CDKAL1: variants seen among roughly 807,000 people sequenced by gnomAD.
The protein encoded by CDKAL1 is threonylcarbamoyladenosine tRNA methylthiotransferase.
CDKAL1 carries 32 observed loss-of-function variants against 68.2 expected under a neutral mutation model. The observed-to-expected ratio is 0.47, with a 90% CI of 0.35 to 0.63. The LOEUF is 0.63. Among genes scored for constraint, CDKAL1 ranks in the 30% least tolerant of loss-of-function variants. The pLI, the probability that CDKAL1 is intolerant of heterozygous loss-of-function variation, is 0.00. For missense variants in CDKAL1, 606 were observed against 696.7 expected (o/e 0.87, Z 1.47); for synonymous variants, 234 against 244.3 (o/e 0.96, Z 0.39).
chr6:21,178,000 C>G (rs938340120), intron 13 of CDKAL1, among the ~76,000 whole-genome samples: 2 of 152,100 alleles, frequency 1.3e-5, no homozygotes, highest in African/African-American at 4.8e-5. Flanking sequence ...CTTGTCCAAA[C>G]AAAAGTTAGA....
intron 13 of CDKAL1, among the ~76,000 whole-genome samples, chr6:21,163,720 A>T (rs1484402140): frequency 2.0e-5 from 3 of 152,240 alleles, no homozygotes; most frequent in Admixed American, 1.3e-4. Context: ...GGAGGCCGAG[A>T]GACGGGTGGA....
At chr6:21,191,986 ATTTTTCTTTTTTTTTTTTTTTT>A (rs1326351514) in intron 13 of CDKAL1, among the ~76,000 whole-genome samples, 11 of 23,332 alleles carry the variant, frequency 4.7e-4, no homozygotes, top group South Asian at 2.9e-3. Flanking sequence ...TTTATAATTC[ATTTTTCTTTTTTTTTTTTTTTT>A]TTTTTTTTTT....
At chr6:20,983,217 A>T (rs895174608) in intron 10 of CDKAL1, among the ~76,000 whole-genome samples, 3 of 152,228 alleles carry the variant, frequency 2.0e-5, no homozygotes, top group Non-Finnish European at 2.9e-5. Context: ...CATATTGATC[A>T]GTAGCAAAAG....
chr6:20,834,612 C>T (rs1777854205), intron 8 of CDKAL1, among the ~76,000 whole-genome samples: 1 of 152,096 alleles, frequency 6.6e-6, no homozygotes, highest in Non-Finnish European at 1.5e-5. Context: ...GTATTTTCTC[C>T]CTTCTCTTCT....
At chr6:21,095,432 G>A (rs1236073673) in intron 12 of CDKAL1, among the ~76,000 whole-genome samples, 1 of 152,218 alleles carries the variant, frequency 6.6e-6, no homozygotes. Context: ...TTCTGAAAGA[G>A]TGATTATATA....
chr6:20,729,204 T>C, intron 5 of CDKAL1, among the ~76,000 whole-genome samples: 1 of 152,248 alleles, frequency 6.6e-6, no homozygotes, highest in East Asian at 1.9e-4. Flanking sequence ...AGGCAGGTAG[T>C]TAGGGAGGTA....
At chr6:20,573,504 A>G (rs560619367) in intron 4 of CDKAL1, among the ~76,000 whole-genome samples, 7 of 152,298 alleles carry the variant, frequency 4.6e-5, no homozygotes, top group African/African-American at 1.4e-4. Context: ...TATCTGATAC[A>G]TCAGCATGAT....
intron 9 of CDKAL1, among the ~76,000 whole-genome samples, chr6:20,870,695 G>A (rs1760166389): frequency 1.3e-5 from 2 of 152,218 alleles, no homozygotes; most frequent in Admixed American, 6.5e-5. Flanking sequence ...TTACACTGTT[G>A]AATCCTGGCT....
At chr6:20,732,119 C>T (rs1472329595) in intron 5 of CDKAL1, among the ~76,000 whole-genome samples, 1 of 151,782 alleles carries the variant, frequency 6.6e-6, no homozygotes. Flanking sequence ...AGTCGAAGCT[C>T]ACTGCAGCCT....
At chr6:20,837,951 G>GTC (rs1210101671) in intron 8 of CDKAL1, among the ~76,000 whole-genome samples, 4 of 147,072 alleles carry the variant, frequency 2.7e-5, no homozygotes, top group Admixed American at 2.0e-4. Flanking sequence ...GTGTGTGTGT[G>GTC]TGTGTGTGTG....
At chr6:21,229,759 T>C (rs1041933729) in intron 15 of CDKAL1, among the ~76,000 whole-genome samples, 2 of 152,124 alleles carry the variant, frequency 1.3e-5, no homozygotes, top group Non-Finnish European at 2.9e-5. Flanking sequence ...GGGAGTCCCA[T>C]GTTATTGGGG....
rs539104310 is a variant in CDKAL1, at chr6:20,655,330, G to A, written c.371+5953G>A. ...AGATCAGGAGTCCAGTGAGGACAGA[G>A]TGGTTGTAGTCCAGGTACAGAGGAT... On this transcript the variant is annotated intron_variant, in intron 5 of 15. Transcript: ENST00000274695. 3.7e-4 allele frequency among the ~76,000 whole-genome samples: 56 copies of A among 152,310 alleles called. 1 individual carries two copies. Among genetic ancestry groups the A allele is most frequent in the Admixed American group, 2.0e-3 (31 of 15,300 alleles).
intron 9 of CDKAL1, among the ~76,000 whole-genome samples, chr6:20,937,730 G>A (rs751803806): frequency 1.3e-5 from 2 of 152,166 alleles, no homozygotes; most frequent in African/African-American, 4.8e-5. Context: ...TTTTTGGCAA[G>A]AGTACCACTG....
intron 13 of CDKAL1, among the ~76,000 whole-genome samples, chr6:21,131,758 T>C (rs1381192840): frequency 6.6e-6 from 1 of 152,242 alleles, no homozygotes; most frequent in Non-Finnish European, 1.5e-5. Flanking sequence ...TTTGAAGTAG[T>C]TTCAGGGGAG....
chr6:21,209,381 ATTAC>A (rs1582423139), intron 15 of CDKAL1, among the ~76,000 whole-genome samples: 2 of 152,326 alleles, frequency 1.3e-5, no homozygotes, highest in Admixed American at 6.5e-5. Flanking sequence ...CCGAGCCTGA[ATTAC>A]TTACATATGC....
chr6:20,631,241 T>G (rs1406970814), intron 4 of CDKAL1, among the ~76,000 whole-genome samples: 2 of 152,178 alleles, frequency 1.3e-5, no homozygotes, highest in Non-Finnish European at 2.9e-5. Flanking sequence ...CCTACCCCAG[T>G]GCCTGTTTTC....
intron 9 of CDKAL1, among the ~76,000 whole-genome samples, chr6:20,937,283 C>T (rs747958325): frequency 6.6e-6 from 1 of 152,186 alleles, no homozygotes; most frequent in East Asian, 1.9e-4. Context: ...AATGGGGTTT[C>T]GCCATGTTGC....
chr6:20,855,193 A>G (rs1211370225), intron 9 of CDKAL1, among the ~76,000 whole-genome samples: 1 of 152,146 alleles, frequency 6.6e-6, no homozygotes, highest in Non-Finnish European at 1.5e-5. Flanking sequence ...TGTAATCCCC[A>G]GCACTTTGGG....
chr6:20,752,751 A>G (rs951548594), intron 6 of CDKAL1, among the ~76,000 whole-genome samples: 1 of 152,180 alleles, frequency 6.6e-6, no homozygotes, highest in African/African-American at 2.4e-5. Context: ...ACACACTCTT[A>G]AATCACTATA....
Sources: gnomAD v4.1 joint callset for allele counts (sites outside exome capture counted in the v4.1 genomes callset) on GRCh38, gnomAD v4.1.1 for gene constraint, MANE v1.5 for transcripts, NCBI Gene and HGNC (gene_info 2026-07-23, HGNC 2026-07-21) for gene names.